TENM2: variants seen among roughly 807,000 people sequenced by gnomAD.
TENM2 encodes teneurin-2.
In TENM2, 52 loss-of-function variants were observed where a neutral mutation model predicts 245.2. The observed-to-expected ratio is 0.21, with a 90% CI of 0.17 to 0.27. TENM2 has a LOEUF of 0.27. Ranked by LOEUF, TENM2 falls within the 10% of genes least tolerant of loss-of-function variation. The pLI, the probability that TENM2 is intolerant of heterozygous loss-of-function variation, is 1.00. For missense variants in TENM2, 3,046 were observed against 3,666.8 expected, an observed-to-expected ratio of 0.83 and a Z score of 4.37; for synonymous variants, 1,363 against 1,438.9, an observed-to-expected ratio of 0.95 and a Z score of 1.19.
the TENM2 span, among the ~76,000 whole-genome samples, chr5:167,098,686 A>C: frequency 1.8e-3 from 271 of 152,316 alleles, no homozygotes; most frequent in African/African-American, 6.2e-3. Context: ...TAAGGAGGGA[A>C]TGGTCGAGTG....
At chr5:168,011,791 T>C (rs1785240952) in intron 5 of TENM2, among the ~76,000 whole-genome samples, 1 of 152,178 alleles carries the variant, frequency 6.6e-6, no homozygotes, top group Non-Finnish European at 1.5e-5. Flanking sequence ...ATGTAAATCT[T>C]CCTAAAGCAT....
intron 2 of TENM2, among the ~76,000 whole-genome samples, chr5:167,849,102 T>C (rs1770323683): frequency 6.6e-6 from 1 of 152,194 alleles, no homozygotes; most frequent in African/African-American, 2.4e-5. Flanking sequence ...CAGCATTTCT[T>C]CTGGGGACAC....
intron 12 of TENM2, among the ~76,000 whole-genome samples, chr5:168,158,829 GTATATATA>G (rs780328417): frequency 4.7e-5 from 3 of 63,718 alleles, no homozygotes; most frequent in Admixed American, 2.3e-4. Flanking sequence ...GTGTGTGTGT[GTATATATA>G]TATATATATA....
In TENM2 at chr5:168,228,533, C is replaced by T. The variant is rs375521087; in HGVS notation, c.5520+403C>T. Among the ~76,000 whole-genome samples the T allele has an allele frequency of 4.6e-4, 39 of 84,252 alleles. No homozygotes were observed. The African/African-American group carries it at 5.1e-3, about 11-fold the overall frequency. The allele number at this position is 84,252 out of a possible 152,430, so 55.3% of individuals were successfully genotyped here. A position where few individuals can be genotyped will look rare whatever the true frequency, so the allele number is the denominator to read the frequency against. ...CCAGTTCAACCAATGAATTGGTGTT[C>T]GTGCCTACTATGTGCTGAGTAATTT... On this transcript the variant is annotated intron_variant, in intron 25 of 28. Coordinates refer to ENST00000518659, the Ensembl canonical transcript of TENM2.
At chr5:167,267,148 A>G in the TENM2 span, among the ~76,000 whole-genome samples, 78 of 152,294 alleles carry the variant, frequency 5.1e-4, no homozygotes, top group African/African-American at 1.8e-3. Flanking sequence ...TCTGACTGAC[A>G]TTTGATTCTG....
chr5:167,720,153 G>A (rs1759531937), intron 2 of TENM2, among the ~76,000 whole-genome samples: 1 of 151,914 alleles, frequency 6.6e-6, no homozygotes, highest in South Asian at 2.1e-4. Context: ...GAAGTTACAA[G>A]TGTTCCACAA....
intron 3 of TENM2, among the ~76,000 whole-genome samples, chr5:167,935,509 C>T (rs1778635982): frequency 6.6e-6 from 1 of 152,220 alleles, no homozygotes; most frequent in Non-Finnish European, 1.5e-5. Context: ...AACTCCCCTT[C>T]AGTCATGTAA....
chr5:168,194,803 A>T (rs1761256681), intron 14 of TENM2, among the ~76,000 whole-genome samples: 1 of 152,094 alleles, frequency 6.6e-6, no homozygotes. Context: ...AAAAATGGAA[A>T]TAAGTAGCCA....
Position 167,647,587 on chromosome 5 carries a change from C to T in TENM2, c.503-228399C>T, listed in dbSNP as rs544540872. Among the ~76,000 whole-genome samples, 46 of 152,144 alleles carry T rather than the reference C, an allele frequency of 3.0e-4. 1 individual carries two copies. The highest frequency in any genetic ancestry group is 1.1e-3 in the African/African-American group (45 of 41,506). ...GCAGTGAGCCGAGATCGCGCCATTG[C>T]TCTCCAGCCCGGGCAACAGAGAGAG... On this transcript the variant is annotated intron_variant, in intron 2 of 28. Transcript: ENST00000518659.
chr5:167,120,275 G>T, the TENM2 span, among the ~76,000 whole-genome samples: 1 of 152,312 alleles, frequency 6.6e-6, no homozygotes, highest in African/African-American at 2.4e-5. Flanking sequence ...CTGCAGTCTT[G>T]TGTGTATGGA....
intron 2 of TENM2, among the ~76,000 whole-genome samples, chr5:167,651,469 A>T (rs1003794977): frequency 6.6e-6 from 1 of 151,570 alleles, no homozygotes; most frequent in South Asian, 2.1e-4. Flanking sequence ...CAAAATGAGG[A>T]TGTTCTTTTG....
intron 2 of TENM2, among the ~76,000 whole-genome samples, chr5:167,699,514 A>T (rs1298746379): frequency 6.6e-6 from 1 of 152,188 alleles, no homozygotes; most frequent in Non-Finnish European, 1.5e-5. Flanking sequence ...CAGATGAATC[A>T]CCTTACTTTC....
the TENM2 span, among the ~76,000 whole-genome samples, chr5:167,030,906 C>T: frequency 1.3e-5 from 2 of 152,142 alleles, no homozygotes; most frequent in Non-Finnish European, 2.9e-5. Flanking sequence ...GGTATTATAA[C>T]GGAAAGGCCT....
intron 23 of TENM2, among the ~76,000 whole-genome samples, chr5:168,222,840 A>C (rs951534062): frequency 2.0e-5 from 3 of 152,172 alleles, no homozygotes; most frequent in African/African-American, 7.2e-5. Context: ...AGCTAGCATG[A>C]GTGCAAGAAT....
chr5:167,270,533 C>G, the TENM2 span, among the ~76,000 whole-genome samples: 3 of 152,120 alleles, frequency 2.0e-5, no homozygotes, highest in Non-Finnish European at 2.9e-5. Context: ...CATGATCTCT[C>G]TCTCCTGTAT....
the TENM2 span, among the ~76,000 whole-genome samples, chr5:167,064,204 A>G: frequency 9.9e-5 from 15 of 152,198 alleles, no homozygotes; most frequent in African/African-American, 3.4e-4. Context: ...GGTGGAGTGG[A>G]TATTTTCCGC....
intron 3 of TENM2, among the ~76,000 whole-genome samples, chr5:167,920,292 G>A (rs146734151): frequency 0.026 from 3,807 of 145,038 alleles, 65 homozygotes; most frequent in Non-Finnish European, 0.038. Context: ...AGGAGTTCTC[G>A]ACCAGCCTGG....
At chr5:168,076,173 TTTTTATTTTATTTTA>T (rs202117061) in intron 7 of TENM2, among the ~76,000 whole-genome samples, 4,828 of 132,418 alleles carry the variant, frequency 0.036, 163 homozygotes, top group African/African-American at 0.085. Context: ...GTTTGCTTTA[TTTTTATTTTATTTTA>T]TTTTATTTTA....
chr5:168,111,192 G>A (rs1455650467), intron 9 of TENM2, among the ~76,000 whole-genome samples: 4 of 152,216 alleles, frequency 2.6e-5, no homozygotes, highest in Non-Finnish European at 5.9e-5. Flanking sequence ...TGACACACCT[G>A]ATGAGTTTTT....
Sources: gnomAD v4.1 joint callset for allele counts (sites outside exome capture counted in the v4.1 genomes callset) on GRCh38, gnomAD v4.1.1 for gene constraint, MANE v1.5 for transcripts, NCBI Gene and HGNC (gene_info 2026-07-23, HGNC 2026-07-21) for gene names.